Variants in PLCZ1 observed in about 807,000 individuals in gnomAD.
PLCZ1 encodes the protein phospholipase C zeta 1.
In PLCZ1, 64 loss-of-function variants were observed where a neutral mutation model predicts 76.8. The observed-to-expected ratio is 0.83, with a 90% confidence interval of 0.68 to 1.03. PLCZ1 has a LOEUF of 1.03. Among genes scored for constraint, PLCZ1 ranks in the 50% least tolerant of loss-of-function variants. PLCZ1 has a pLI of 0.00. For synonymous variants in PLCZ1, 248 were observed against 230.8 expected (o/e 1.07, Z -0.68); for missense variants, 751 against 713.7 (o/e 1.05, Z -0.60).
At chr12:18,687,412 C>T (rs546364546) in intron 13 of PLCZ1, among the ~76,000 whole-genome samples, 5 of 152,254 alleles carry the variant, frequency 3.3e-5, no homozygotes, top group South Asian at 4.1e-4. Context: ...GTTCCAATGT[C>T]TCCTTCAAGG....
downstream of PLCZ1, among the ~76,000 whole-genome samples, chr12:18,682,916 T>C (rs1365148846): frequency 1.3e-5 from 2 of 152,058 alleles, no homozygotes; most frequent in African/African-American, 2.4e-5. Context: ...TTTGCCAATG[T>C]ATATTTTATA....
At chr12:18,727,184 T>TAA (rs564574004) in intron 3 of PLCZ1, among the ~76,000 whole-genome samples, 9 of 143,008 alleles carry the variant, frequency 6.3e-5, no homozygotes, top group African/African-American at 1.5e-4. Context: ...TCTCTAAATG[T>TAA]AAAAAAAAAA....
Position 18,694,780 on chromosome 12 carries a change from T to C in PLCZ1, c.1461+130A>G, listed in dbSNP as rs1954707925. 4.1e-6 allele frequency: 3 copies of C among 725,960 alleles called. No individual in the cohort carries two copies. The Admixed American group carries it at 9.1e-5, about 22-fold the overall frequency. The allele number at this position is 725,960 out of a possible 1,614,324, so 45.0% of individuals were successfully genotyped here. A position where few individuals can be genotyped will look rare whatever the true frequency, so the allele number is the denominator to read the frequency against. ...GAAGGATGCTGGAATACTACCCACA[T>C]ATAGTACCTGAAAAGATTAACAGAA... On this transcript the variant is annotated intron_variant, in intron 12 of 14. Coordinates refer to ENST00000266505, the MANE Select transcript of PLCZ1 (RefSeq NM_033123.4).
chr12:18,660,714 G>C, the PLCZ1 span, among the ~76,000 whole-genome samples: 2 of 151,998 alleles, frequency 1.3e-5, no homozygotes, highest in Admixed American at 1.3e-4. Flanking sequence ...GATTTCCAGA[G>C]ACATGATATT....
intron 11 of PLCZ1, among the ~76,000 whole-genome samples, chr12:18,695,896 C>T (rs551461356): frequency 1.6e-4 from 24 of 152,110 alleles, no homozygotes; most frequent in African/African-American, 5.5e-4. Context: ...TCCTCCACTA[C>T]ACATGTCTCA....
chr12:18,731,872 C>G (rs1368331819), intron 3 of PLCZ1, among the ~76,000 whole-genome samples: 2 of 152,004 alleles, frequency 1.3e-5, no homozygotes, highest in East Asian at 3.9e-4. Context: ...CATCTAGTGA[C>G]AGCATTGAGC....
intron 12 of PLCZ1, chr12:18,693,657 G>T: frequency 6.4e-7 from 1 of 1,565,414 alleles, no homozygotes; most frequent in Non-Finnish European, 8.8e-7. Flanking sequence ...GGGACAAAAA[G>T]ATATGACTCC....
the PLCZ1 span, among the ~76,000 whole-genome samples, chr12:18,667,442 A>G: frequency 1.3e-5 from 2 of 152,190 alleles, no homozygotes; most frequent in East Asian, 3.9e-4. Flanking sequence ...AGTCAATATT[A>G]TAGTCTTTGA....
chr12:18,674,485 G>C, the PLCZ1 span, among the ~76,000 whole-genome samples: 2 of 152,144 alleles, frequency 1.3e-5, no homozygotes, highest in South Asian at 4.2e-4. Flanking sequence ...GAATTTTTTG[G>C]ACAAATAAAT....
At chr12:18,732,054 T>C (rs1959076447) in intron 3 of PLCZ1, among the ~76,000 whole-genome samples, 1 of 152,222 alleles carries the variant, frequency 6.6e-6, no homozygotes, top group African/African-American at 2.4e-5. Flanking sequence ...ATTTAATGTA[T>C]ACAACTTGAT....
intron 4 of PLCZ1, among the ~76,000 whole-genome samples, chr12:18,720,050 C>T (rs7974021): frequency 0.44 from 66,372 of 151,800 alleles, 16,756 homozygotes; most frequent in South Asian, 0.61. Context: ...GATCTGACTT[C>T]GAAAAGCATA....
chr12:18,729,983 C>A (rs1958954608), intron 3 of PLCZ1, among the ~76,000 whole-genome samples: 1 of 152,020 alleles, frequency 6.6e-6, no homozygotes, highest in Non-Finnish European at 1.5e-5. Flanking sequence ...TTATTGAGCA[C>A]CTATTTTGTG....
intron 3 of PLCZ1, among the ~76,000 whole-genome samples, chr12:18,727,142 G>A (rs540014417): frequency 1.3e-5 from 2 of 151,780 alleles, no homozygotes; most frequent in African/African-American, 2.4e-5. Context: ...GGCTGAGTTC[G>A]AGATCACCCT....
chr12:18,662,056 T>C, the PLCZ1 span, among the ~76,000 whole-genome samples: 1,295 of 152,226 alleles, frequency 8.5e-3, 19 homozygotes, highest in African/African-American at 0.03. Flanking sequence ...TTCTCCCGTA[T>C]TAAGTAGGAA....
intron 4 of PLCZ1, among the ~76,000 whole-genome samples, chr12:18,722,666 T>G (rs746018842): frequency 1.1e-4 from 16 of 152,084 alleles, no homozygotes; most frequent in Admixed American, 3.3e-4. Flanking sequence ...TGAAAAACTG[T>G]GAAGTGTTTT....
chr12:18,696,331 T>C lies in PLCZ1; in HGVS notation c.1175-65A>G, dbSNP rs1250943350. On this transcript the variant is annotated intron_variant, in intron 10 of 14. Coordinates refer to ENST00000266505, the MANE Select transcript of PLCZ1 (RefSeq NM_033123.4). ...TAAATTTAAAAAGCCACTATATATA[T>C]ATATATATATATATATATATCATAT... is the stretch of plus-strand genomic sequence containing the variant. The C allele has an allele frequency of 4.4e-5, 4 of 90,910 alleles. No homozygotes were observed. The East Asian group carries it at 1.1e-3, about 24-fold the overall frequency. The allele number at this position is 90,910 out of a possible 1,614,324, so 5.6% of individuals were successfully genotyped here.
chr12:18,676,403 A>C, the PLCZ1 span, among the ~76,000 whole-genome samples: 1 of 152,090 alleles, frequency 6.6e-6, no homozygotes, highest in South Asian at 2.1e-4. Context: ...CCCTTTAGCA[A>C]ACTGAGCATC....
chr12:18,730,486 T>C (rs76177468), intron 3 of PLCZ1, among the ~76,000 whole-genome samples: 1 of 152,142 alleles, frequency 6.6e-6, no homozygotes, highest in Admixed American at 6.5e-5. Flanking sequence ...TAATTTATGC[T>C]TCTAAAGTAC....
Position 18,723,445 on chromosome 12 carries a change from T to A in PLCZ1, c.233A>T (p.Asn78Ile). ...THREEIIEIFNTYSENRKILL... is the reference protein window; with the variant it reads ...THREEIIEIFITYSENRKILL... ...AATTTTCCGGTTTTCAGAATATGTG[T>A]TGAAAATCTCAATAATTTCTTCTCT... is the stretch of plus-strand genomic sequence containing the variant. The change falls in exon 4 of 15, where the codon AAC (asparagine) becomes ATC (isoleucine). Residue 78 changes from asparagine (N) to isoleucine (I), a missense_variant. By Grantham distance (149) the Asn-to-Ile change is moderately radical. Transcript: ENST00000266505. 8.7e-6 allele frequency: 14 copies of A among 1,612,972 alleles called. No individual in the cohort carries two copies. Among genetic ancestry groups the A allele is most frequent in the Non-Finnish European group, 1.2e-5 (14 of 1,179,364 alleles).
Sources: allele counts gnomAD v4.1 joint callset (sites outside exome capture counted in the v4.1 genomes callset), GRCh38; gene constraint gnomAD v4.1.1; transcripts MANE v1.5; gene names NCBI Gene and HGNC (gene_info 2026-07-23, HGNC 2026-07-21).